CHD9: variants seen among roughly 807,000 people sequenced by gnomAD.
CHD9 encodes chromodomain helicase DNA binding protein 9.
CHD9 carries 77 observed loss-of-function variants against 316.1 expected under a neutral mutation model. The observed-to-expected ratio is 0.24, with a 90% CI of 0.20 to 0.29. The LOEUF is 0.29. Among genes scored for constraint, CHD9 ranks in the 10% least tolerant of loss-of-function variants. The pLI, the probability that CHD9 is intolerant of heterozygous loss-of-function variation, is 1.00. For synonymous variants in CHD9, 1,129 were observed against 1,158.3 expected, an observed-to-expected ratio of 0.97 and a Z score of 0.51; for missense variants, 2,763 against 3,438.1, an observed-to-expected ratio of 0.80 and a Z score of 4.91.
chr16:53,318,080 T>G (rs2057014070), intron 36 of CHD9, 132 bp from the exon 37 acceptor site: 2 of 657,558 alleles, frequency 3.0e-6, no homozygotes, highest in East Asian at 6.6e-5. Context: ...ATAAAAAAGT[T>G]TAGATATTTT....
intron 37 of CHD9, chr16:53,319,881 C>T: frequency 8.7e-7 from 1 of 1,152,992 alleles, no homozygotes; most frequent in Non-Finnish European, 1.1e-6. Flanking sequence ...CCCAAGAGGG[C>T]CTCCATTTTC....
rs542626500 is a variant in CHD9 at position 53,239,741 on chromosome 16, G to A, written c.2877+1155G>A. ...GATAACTGATTTTCTACCTGTTTGAGCCCAAGAGTTTGAGGCCGCAGTGAG... is the reference window on the plus strand; with the variant it reads ...GATAACTGATTTTCTACCTGTTTGAACCCAAGAGTTTGAGGCCGCAGTGAG... On this transcript the variant is annotated intron_variant, in intron 12 of 38. Transcript: ENST00000447540. Among the ~76,000 whole-genome samples, 7 of 152,100 alleles carry A rather than the reference G, an allele frequency of 4.6e-5. No homozygotes were observed. In the East Asian group the frequency reaches 1.4e-3, roughly 29 times the overall value.
Position 53,304,557 on chromosome 16 carries a change from C to T in CHD9, c.6551C>T (p.Ser2184Phe), listed in dbSNP as rs1177633397. 2.0e-6 allele frequency: 3 copies of T among 1,509,238 alleles called. No individual in the cohort carries two copies. Among genetic ancestry groups the T allele is most frequent in the African/African-American group, 2.8e-5 (2 of 72,156 alleles). The allele number at this position is 1,509,238 out of a possible 1,614,324, so 93.5% of individuals were successfully genotyped here. Residue 2184 changes from serine to phenylalanine, a missense_variant, in exon 31 of 39, where the codon TCC becomes TTC. This residue lies in a region of CHD9 where 663 missense variants were observed against 751.2 expected (regional missense o/e 0.88). Coordinates refer to ENST00000447540, the MANE Select transcript of CHD9 (RefSeq NM_001308319.2). ...ASSSSSSSTS[S>F]SSSSSSSSSE... ...TCTTCATCCTCTTCCTCCACCTCTT[C>T]CTCCTCCTCCTCCTCTTCATCTTCA...
chr16:53,120,204 C>T (rs900803577), intron 1 of CHD9, among the ~76,000 whole-genome samples: 1 of 152,204 alleles, frequency 6.6e-6, no homozygotes, highest in Admixed American at 6.5e-5. Flanking sequence ...TGCTCTCTAA[C>T]CTGGGCAACA....
chr16:53,193,680 G>A (rs910479624), intron 2 of CHD9, among the ~76,000 whole-genome samples: 2 of 152,046 alleles, frequency 1.3e-5, no homozygotes, highest in African/African-American at 4.8e-5. Context: ...GTTGTATAAG[G>A]AACATTAATC....
At chr16:53,254,889 T>C (rs2050448335) in intron 18 of CHD9, among the ~76,000 whole-genome samples, 1 of 152,232 alleles carries the variant, frequency 6.6e-6, no homozygotes, top group Non-Finnish European at 1.5e-5. Context: ...GAATTTGTGT[T>C]TATATAAACA....
chr16:53,254,723 C>T, intron 18 of CHD9, 118 bp downstream of exon 18: 1 of 817,986 alleles, frequency 1.2e-6, no homozygotes, highest in Admixed American at 2.7e-5. Context: ...TTGTTTTCTG[C>T]AGGGGAACAT....
chr16:53,097,377 TTCC>T (rs760080282), intron 1 of CHD9, among the ~76,000 whole-genome samples: 1 of 151,002 alleles, frequency 6.6e-6, no homozygotes, highest in Non-Finnish European at 1.5e-5. Context: ...CCTTCCTTCC[TTCC>T]TTCCTTCCTT....
In CHD9 at chr16:53,184,094, G is replaced by A. The variant is rs139373981; in HGVS notation, c.1453-25388G>A. 2.4e-3 allele frequency among the ~76,000 whole-genome samples: 368 copies of A among 151,924 alleles called. 3 individuals are homozygous for A. Among genetic ancestry groups the A allele is most frequent in the African/African-American group, 8.5e-3 (353 of 41,432 alleles). On this transcript the variant is annotated intron_variant, in intron 2 of 38. Coordinates refer to ENST00000447540, the MANE Select transcript of CHD9 (RefSeq NM_001308319.2). ...CAAGTAGCTGGGACTAAAGGCGCCC[G>A]GCACCACGCCCGGCTAATTTTTTGT...
chr16:53,324,257 C>G lies in CHD9; in HGVS notation c.8056C>G (p.Gln2686Glu). ...QQNLQNLQSLQVTAGLMGMPT... is the reference protein window; with the variant it reads ...QQNLQNLQSLEVTAGLMGMPT... Reference sequence around the variant, plus strand: ...AAACCTACAAAACTTGCAGTCACTGCAAGTAACTGCTGGGTTGATGGGAAT... The same window carrying G: ...AAACCTACAAAACTTGCAGTCACTGGAAGTAACTGCTGGGTTGATGGGAAT... Residue 2686 changes from glutamine (Q) to glutamate (E), a missense_variant, in exon 39 of 39, where the codon CAA (glutamine) becomes GAA (glutamate). Around this residue, in one of 15 missense-constraint regions of CHD9, gnomAD observed 298 missense variants for 380.2 expected, o/e 0.78. Coordinates refer to ENST00000447540, the MANE Select transcript of CHD9 (RefSeq NM_001308319.2). The G allele has an allele frequency of 6.2e-7, 1 of 1,613,962 alleles. No individual in the cohort carries two copies. Among genetic ancestry groups the G allele is most frequent in the Non-Finnish European group, 8.5e-7 (1 of 1,179,872 alleles).
At chr16:53,184,956 G>T (rs997709027) in intron 2 of CHD9, among the ~76,000 whole-genome samples, 1 of 152,126 alleles carries the variant, frequency 6.6e-6, no homozygotes, top group African/African-American at 2.4e-5. Context: ...TGCCATAATT[G>T]TAAGTTTCTT....
At chr16:53,231,332 T>C (rs1304169414) in intron 8 of CHD9, 87 bp from the exon 9 acceptor site, 2 of 691,510 alleles carry the variant, frequency 2.9e-6, no homozygotes, top group Non-Finnish European at 5.1e-6. Flanking sequence ...ACTTACAAGG[T>C]CTATAGTGAA....
At chr16:53,176,496 T>G (rs2043110237) in intron 2 of CHD9, among the ~76,000 whole-genome samples, 1 of 152,204 alleles carries the variant, frequency 6.6e-6, no homozygotes, top group South Asian at 2.1e-4. Context: ...ATTAGGAGAT[T>G]GATACATTGA....
chr16:53,267,476 C>T lies in CHD9; in HGVS notation c.4503C>T (p.Asn1501=), dbSNP rs1279197414. The T allele has an allele frequency of 1.3e-6, 2 of 1,591,418 alleles. No individual in the cohort carries two copies. The highest frequency in any genetic ancestry group is 2.7e-5 in the African/African-American group (2 of 73,836). The change falls in exon 21 of 39, where the codon AAC becomes AAT. Residue 1501 remains asparagine (N), a synonymous_variant. Transcript: ENST00000447540. ...CTGAATGCTTTAGAGTTGAGAAAAA[C>T]CTGCTAGTTTATGGGTAAAACATTG... ...GRTECFRVEK[N]LLVYGWGRWR...
chr16:53,067,292 C>T (rs993519037), intron 1 of CHD9, among the ~76,000 whole-genome samples: 1 of 152,166 alleles, frequency 6.6e-6, no homozygotes, highest in African/African-American at 2.4e-5. Context: ...TTACAATTAA[C>T]TGATATTGAT....
intron 27 of CHD9, among the ~76,000 whole-genome samples, chr16:53,289,360 A>G (rs570047964): frequency 2.0e-5 from 3 of 152,120 alleles, no homozygotes; most frequent in African/African-American, 7.2e-5. Flanking sequence ...TTCAAGACCA[A>G]CCTGAGCAAT....
chr16:53,301,163 G>A (rs989156826), intron 30 of CHD9, among the ~76,000 whole-genome samples: 3 of 152,098 alleles, frequency 2.0e-5, no homozygotes, highest in Non-Finnish European at 2.9e-5. Context: ...ACAATAATTG[G>A]TGTATTTTAT....
intron 31 of CHD9, among the ~76,000 whole-genome samples, chr16:53,305,278 C>G (rs1426242742): frequency 6.6e-6 from 1 of 152,062 alleles, no homozygotes; most frequent in Non-Finnish European, 1.5e-5. Context: ...CCAGGCTGGT[C>G]TCGAACTCCT....
intron 1 of CHD9, among the ~76,000 whole-genome samples, chr16:53,126,934 C>T (rs1461179599): frequency 2.0e-5 from 3 of 152,042 alleles, no homozygotes; most frequent in African/African-American, 7.2e-5. Context: ...CCACCTCGGC[C>T]TCCCAAAGTG....
Sources: gnomAD v4.1 joint callset for allele counts (sites outside exome capture counted in the v4.1 genomes callset) on GRCh38, gnomAD v4.1.1 for gene constraint, gnomAD v4.1.1 regional missense constraint, MANE v1.5 for transcripts, NCBI Gene and HGNC (gene_info 2026-07-23, HGNC 2026-07-21) for gene names.